The following MYBPC1 variants were observed in gnomAD, a reference collection of about 807,000 sequenced individuals.
MYBPC1 encodes myosin-binding protein C, slow-type.
In MYBPC1, 52 loss-of-function variants were observed where a neutral mutation model predicts 147.1. That is an observed-to-expected ratio of 0.35 (90% CI 0.28 to 0.45). The LOEUF is 0.45. MYBPC1 is among the 20% of genes least tolerant of loss of function. MYBPC1 has a pLI of 1.00. For missense variants in MYBPC1, 1,228 were observed against 1,440.3 expected (o/e 0.85, Z 2.39); for synonymous variants, 477 against 475.9 (o/e 1.00, Z -0.03).
intron 10 of MYBPC1, 193 bp downstream of exon 10, chr12:101,636,921 A>G (rs1593815738): frequency 3.5e-6 from 2 of 571,220 alleles, no homozygotes; most frequent in Non-Finnish European, 6.3e-6. Flanking sequence ...AGCCTTTAAC[A>G]GTTGCTTTTA....
At chr12:101,663,273 C>T (rs1896884822) in intron 21 of MYBPC1, among the ~76,000 whole-genome samples, 153 bp from the exon 22 acceptor site, 1 of 152,208 alleles carries the variant, frequency 6.6e-6, no homozygotes, top group South Asian at 2.1e-4. Context: ...TTGCCTTACA[C>T]ACATCCATGC....
At position 101,649,435 on chromosome 12, in the gene MYBPC1, G is replaced by T. The variant is rs1390908845; in HGVS notation, c.1363+9G>T. 1 of 1,613,522 alleles carries T rather than the reference G, an allele frequency of 6.2e-7. No individual in the cohort carries two copies. The highest frequency in any genetic ancestry group is 1.7e-5 in the Admixed American group (1 of 60,024). The stretch of plus-strand genomic sequence containing the variant: ...TAAACTTAGTGTTGACTGTAAGTGA[G>T]ACTTCTTTAGATGTCTTCTCAGTGG... On this transcript the variant is annotated intron_variant, in intron 15 of 31. Transcript: ENST00000361466.
intron 11 of MYBPC1, among the ~76,000 whole-genome samples, chr12:101,643,582 T>C (rs1892508401): frequency 6.6e-6 from 1 of 152,184 alleles, no homozygotes; most frequent in Non-Finnish European, 1.5e-5. Context: ...ATAATAAGGT[T>C]GGAATGATGG....
intron 18 of MYBPC1, among the ~76,000 whole-genome samples, chr12:101,659,184 T>C (rs1423393682): frequency 2.0e-5 from 3 of 152,246 alleles, no homozygotes; most frequent in Non-Finnish European, 4.4e-5. Context: ...CCTTCTTCAA[T>C]CCTTTTCGGT....
In MYBPC1 at chr12:101,680,546, C is replaced by G; in HGVS notation, c.3433+17C>G. ...AGGTGAAAGGTATGACATCCAATAT[C>G]TCACGTATAGACTAAAGTTAAAGAA... On this transcript the variant is annotated intron_variant, in intron 29 of 31. Transcript: ENST00000361466. 2 of 1,610,462 alleles carry G rather than the reference C, an allele frequency of 1.2e-6. No individual in the cohort carries two copies. Among genetic ancestry groups the G allele is most frequent in the Non-Finnish European group, 1.7e-6 (2 of 1,176,840 alleles).
intron 8 of MYBPC1, among the ~76,000 whole-genome samples, chr12:101,634,287 T>C (rs1261101929): frequency 6.6e-6 from 1 of 152,178 alleles, no homozygotes; most frequent in Non-Finnish European, 1.5e-5. Flanking sequence ...ATCAAGAAAC[T>C]GATATATTTC....
In MYBPC1 at chr12:101,613,608, A is replaced by G. The variant is rs577112274; in HGVS notation, c.26-888A>G. On this transcript the variant is annotated intron_variant, in intron 1 of 31. Transcript: ENST00000361466. ...ACAGGGATTTGGCACGGGAAATGCTATGCTCTTTGTTCATGTGGATGCCTT... is the reference window on the plus strand; with the variant it reads ...ACAGGGATTTGGCACGGGAAATGCTGTGCTCTTTGTTCATGTGGATGCCTT... Among the ~76,000 whole-genome samples, 5 of 152,286 alleles carry G rather than the reference A, an allele frequency of 3.3e-5. No homozygotes were observed. In the South Asian group the frequency reaches 6.2e-4, roughly 19 times the overall value.
the MYBPC1 span, among the ~76,000 whole-genome samples, chr12:101,693,325 A>C: frequency 6.6e-6 from 1 of 152,186 alleles, no homozygotes; most frequent in Non-Finnish European, 1.5e-5. Context: ...GTAGATATAT[A>C]GTTACATAGA....
chr12:101,644,040 A>G (rs1237300804), intron 11 of MYBPC1, among the ~76,000 whole-genome samples: 1 of 152,002 alleles, frequency 6.6e-6, no homozygotes, highest in Non-Finnish European at 1.5e-5. Flanking sequence ...TTTTATTTTT[A>G]TTTTTATTTT....
intron 2 of MYBPC1, chr12:101,614,852 G>GA: frequency 2.4e-6 from 1 of 411,536 alleles, no homozygotes; most frequent in Non-Finnish European, 4.5e-6. Flanking sequence ...AGGGGCTGAA[G>GA]AATTTGTGAG....
intron 1 of MYBPC1, among the ~76,000 whole-genome samples, chr12:101,599,533 CTT>C (rs1440682866): frequency 6.6e-6 from 1 of 152,216 alleles, no homozygotes; most frequent in Non-Finnish European, 1.5e-5. Context: ...TCTCATATCT[CTT>C]CTTTGACCTT....
At position 101,669,010 on chromosome 12, in the gene MYBPC1, C is replaced by A. The variant is rs1486047876; in HGVS notation, c.2524+1111C>A. ...GCTGAGGTGGGAGAATCACTTGAAC[C>A]CAGGAGGCGGAGGCTGCAGTGAGCC... On this transcript the variant is annotated intron_variant, in intron 23 of 31. Transcript: ENST00000361466. Among the ~76,000 whole-genome samples, 3 of 152,072 alleles carry A rather than the reference C, an allele frequency of 2.0e-5. No homozygotes were observed. In the East Asian group the frequency reaches 5.8e-4, roughly 30 times the overall value.
intron 11 of MYBPC1, 98 bp from the exon 12 acceptor site, chr12:101,644,566 T>C (rs1892676207): frequency 1.9e-5 from 22 of 1,160,198 alleles, no homozygotes; most frequent in South Asian, 2.7e-5. Flanking sequence ...GATTCATTTT[T>C]TCATTTGCTT....
chr12:101,602,409 G>A (rs774830617), intron 1 of MYBPC1, among the ~76,000 whole-genome samples: 7 of 152,020 alleles, frequency 4.6e-5, no homozygotes, highest in Non-Finnish European at 1.0e-4. Context: ...TAGAGATAGG[G>A]TTTCAACATA....
At chr12:101,666,375 G>A (rs373185331) in intron 22 of MYBPC1, 1 of 294,328 alleles carries the variant, frequency 3.4e-6, no homozygotes. Flanking sequence ...CTCACTGTGC[G>A]CTGCTCCCCC....
Position 101,636,794 on chromosome 12 carries a change from G to T in MYBPC1, c.665+66G>T, listed in dbSNP as rs536634405. 1.9e-4 allele frequency: 258 copies of T among 1,364,458 alleles called. 1 individual carries two copies. The highest frequency in any genetic ancestry group is 3.6e-4 in the Middle Eastern group (2 of 5,608). The allele number at this position is 1,364,458 out of a possible 1,614,324, so 84.5% of individuals were successfully genotyped here. A position where few individuals can be genotyped will look rare whatever the true frequency, so the allele number is the denominator to read the frequency against. ...GTCTTTCAGACACCCACTCAGAGAA[G>T]TCAAGTTTAAAGTGGATGTTCTTCA... On this transcript the variant is annotated intron_variant, in intron 10 of 31. Transcript: ENST00000361466.
intron 29 of MYBPC1, among the ~76,000 whole-genome samples, chr12:101,681,420 A>T (rs1267995762): frequency 2.0e-5 from 3 of 151,024 alleles, no homozygotes; most frequent in Non-Finnish European, 4.4e-5. Flanking sequence ...TGAAGAAATT[A>T]TAATCAAAAA....
chr12:101,642,710 TG>T, intron 11 of MYBPC1, 125 bp downstream of exon 11: 1 of 1,042,080 alleles, frequency 9.6e-7, no homozygotes, highest in Non-Finnish European at 1.4e-6. Flanking sequence ...TGGGTAGGAG[TG>T]CAGGGGTTAC....
At chr12:101,667,507 A>G (rs1040067929) in intron 22 of MYBPC1, among the ~76,000 whole-genome samples, 29 of 152,154 alleles carry the variant, frequency 1.9e-4, no homozygotes, top group Admixed American at 6.5e-5. Context: ...AGAATCTTAT[A>G]GTTTATTTTT....
Sources: gnomAD v4.1 joint callset for allele counts (sites outside exome capture counted in the v4.1 genomes callset) on GRCh38, gnomAD v4.1.1 for gene constraint, MANE v1.5 for transcripts, NCBI Gene and HGNC (gene_info 2026-07-23, HGNC 2026-07-21) for gene names.